RSPRY1: variants seen among roughly 807,000 people sequenced by gnomAD.
RSPRY1 encodes the protein ring finger and SPRY domain containing 1.
Under a neutral mutation model 73.1 loss-of-function variants are expected in RSPRY1, and 23 were observed. The observed-to-expected ratio is 0.31, with a 90% CI of 0.23 to 0.45. The LOEUF (loss-of-function observed/expected upper bound fraction) is 0.45, where lower values mean the gene tolerates loss of function less well. Among genes scored for constraint, RSPRY1 ranks in the 20% least tolerant of loss-of-function variants. The probability of loss-of-function intolerance (pLI) is 1.00; values close to 1 mark genes in which losing one functional copy is unlikely to be tolerated. For synonymous variants in RSPRY1, 226 were observed against 251.4 expected (o/e 0.90, Z 0.95); for missense variants, 448 against 698.7 (o/e 0.64, Z 4.05).
At chr16:57,212,654 G>A (rs113124577) in intron 4 of RSPRY1, among the ~76,000 whole-genome samples, 11 of 152,022 alleles carry the variant, frequency 7.2e-5, no homozygotes, top group African/African-American at 1.7e-4. Context: ...TTGCTCTGTC[G>A]TCCAGGCTGG....
intron 1 of RSPRY1, among the ~76,000 whole-genome samples, chr16:57,199,729 T>G (rs2074524893): frequency 6.6e-6 from 1 of 152,186 alleles, no homozygotes; most frequent in African/African-American, 2.4e-5. Flanking sequence ...AATATTCCAG[T>G]GGCACAATCA....
rs1351993363 is a variant in RSPRY1 at position 57,235,167 on chromosome 16, A to C, written c.1573A>C (p.Asn525His). 9.3e-6 allele frequency: 15 copies of C among 1,614,216 alleles called. No individual in the cohort carries two copies. The highest frequency in any genetic ancestry group is 1.1e-5 in the Non-Finnish European group (13 of 1,180,026). The part of the protein sequence containing the change: ...ALLKQVSIRE[N>H]CCSLCCDEVA... ...GTTGAAGCAAGTCAGTATCCGAGAA[A>C]ACTGCTGTTCCCTTTGTTGTGATGA... Residue 525 changes from asparagine to histidine, a missense_variant, in exon 14 of 15, where the codon AAC becomes CAC. Physicochemically the swap from Asn to His is moderately conservative, Grantham distance 68 (BLOSUM62 1). Transcript: ENST00000394420.
rs761873595 is a variant in RSPRY1, at chr16:57,204,991, A to G, written c.333A>G (p.Ile111Met). The G allele has an allele frequency of 6.2e-7, 1 of 1,613,386 alleles. No homozygotes were observed. The change falls in exon 2 of 15, where the codon ATA becomes ATG. Residue 111 changes from isoleucine to methionine, a missense_variant. Transcript: ENST00000394420. ...TAGTGTTGGACACACTGGCAGTAAT[A>G]CGGACTCTTGTAGATAAGTAAGTAT... Reference protein sequence around the residue: ...DGLVLDTLAVIRTLVDNDQEP... With the variant: ...DGLVLDTLAVMRTLVDNDQEP...
chr16:57,202,987 G>T (rs907053357), intron 1 of RSPRY1, among the ~76,000 whole-genome samples: 2 of 150,416 alleles, frequency 1.3e-5, no homozygotes, highest in Admixed American at 1.3e-4. Flanking sequence ...AAAATAAAAA[G>T]AATTTTGCCA....
intron 13 of RSPRY1, among the ~76,000 whole-genome samples, chr16:57,234,184 T>C (rs1383279217): frequency 1.3e-5 from 2 of 152,186 alleles, no homozygotes; most frequent in Non-Finnish European, 2.9e-5. Context: ...ACCAGGCCTA[T>C]GATAGCTTCA....
At chr16:57,216,718 A>G (rs1163586324) in intron 7 of RSPRY1, among the ~76,000 whole-genome samples, 186 bp from the exon 8 acceptor site, 1 of 152,142 alleles carries the variant, frequency 6.6e-6, no homozygotes, top group Admixed American at 6.5e-5. Context: ...AGACCCTGTG[A>G]CTAAAAAAAA....
rs527708306 is a variant in RSPRY1, at chr16:57,200,360, C to A, written c.-155-4144C>A. Among the ~76,000 whole-genome samples the A allele has an allele frequency of 4.9e-3, 745 of 152,190 alleles. 5 individuals carry two copies. Among genetic ancestry groups the A allele is most frequent in the African/African-American group, 0.017 (704 of 41,538 alleles). ...TTCTCAATCTTTTCCCCACCTTTCC[C>A]CCCTTTCTATTCCACAAAACCGCCA... On this transcript the variant is annotated intron_variant, in intron 1 of 14. Transcript: ENST00000394420.
At chr16:57,229,872 A>C (rs1179307917) in intron 11 of RSPRY1, among the ~76,000 whole-genome samples, 2 of 149,630 alleles carry the variant, frequency 1.3e-5, no homozygotes, top group Admixed American at 6.7e-5. Context: ...ACACCCGGGT[A>C]ATTTTTGTAT....
Position 57,221,261 on chromosome 16 carries a change from G to T in RSPRY1, c.1018-11G>T, listed in dbSNP as rs778997797. 55 of 1,607,922 alleles carry T rather than the reference G, an allele frequency of 3.4e-5. No homozygotes were observed. Among genetic ancestry groups the T allele is most frequent in the Non-Finnish European group, 3.9e-5 (46 of 1,178,224 alleles). ...CTCATAGTTGATTGACACATTTTTTGGTTTTGCCAGGCTCGCTGTGATGCC... is the reference window on the plus strand; with the variant it reads ...CTCATAGTTGATTGACACATTTTTTTGTTTTGCCAGGCTCGCTGTGATGCC... On this transcript the variant is annotated splice_polypyrimidine_tract_variant and intron_variant, in intron 9 of 14. Coordinates refer to ENST00000394420, the MANE Select transcript of RSPRY1 (RefSeq NM_133368.3).
intron 11 of RSPRY1, among the ~76,000 whole-genome samples, chr16:57,229,067 T>C (rs2075166173): frequency 6.6e-6 from 1 of 152,258 alleles, no homozygotes; most frequent in Non-Finnish European, 1.5e-5. Flanking sequence ...AATTAATGCC[T>C]CATTGTTGGA....
chr16:57,189,593 C>CTT (rs544146883), intron 1 of RSPRY1, among the ~76,000 whole-genome samples: 5,513 of 124,008 alleles, frequency 0.044, 373 homozygotes, highest in East Asian at 0.25. Flanking sequence ...CTTTTCTTTT[C>CTT]TTTTTTTTTT....
At chr16:57,224,090 G>C (rs916676326) in intron 10 of RSPRY1, among the ~76,000 whole-genome samples, 2 of 152,222 alleles carry the variant, frequency 1.3e-5, no homozygotes, top group Non-Finnish European at 2.9e-5. Flanking sequence ...GGAGCCTCCA[G>C]ATTATGGAGA....
chr16:57,192,991 C>T (rs1447315448), intron 1 of RSPRY1, among the ~76,000 whole-genome samples: 1 of 152,200 alleles, frequency 6.6e-6, no homozygotes, highest in Non-Finnish European at 1.5e-5. Context: ...GTTGGGATTA[C>T]AGGTGTGAGC....
At chr16:57,231,973 G>A (rs1226894158) in intron 13 of RSPRY1, among the ~76,000 whole-genome samples, 2 of 152,182 alleles carry the variant, frequency 1.3e-5, no homozygotes, top group Admixed American at 6.5e-5. Context: ...CTTAGGCTGG[G>A]GAAAGACTCC....
chr16:57,227,325 G>A lies in RSPRY1; in HGVS notation c.1162-17G>A. On this transcript the variant is annotated splice_polypyrimidine_tract_variant and intron_variant, in intron 10 of 14. Coordinates refer to ENST00000394420, the MANE Select transcript of RSPRY1 (RefSeq NM_133368.3). ...GCAGGCAGACTTGCTAATCTTCTGG[G>A]CCTTGTCTCTCTCCAGGAAGGCTAC... is the stretch of plus-strand genomic sequence containing the variant. 6.3e-7 allele frequency: 1 copy of A among 1,580,020 alleles called. No individual in the cohort carries two copies. The highest frequency in any genetic ancestry group is 8.7e-7 in the Non-Finnish European group (1 of 1,149,202).
At chr16:57,219,302 C>G (rs1381816699) in intron 8 of RSPRY1, among the ~76,000 whole-genome samples, 1 of 152,180 alleles carries the variant, frequency 6.6e-6, no homozygotes, top group Non-Finnish European at 1.5e-5. Context: ...TACCTTTTCT[C>G]CATATCCTCA....
rs376547247 is a variant in RSPRY1 at position 57,238,980 on chromosome 16, T to C, written c.*5T>C. On this transcript the variant is annotated 3_prime_UTR_variant, in exon 15 of 15. Coordinates refer to ENST00000394420, the MANE Select transcript of RSPRY1 (RefSeq NM_133368.3). The stretch of plus-strand genomic sequence containing the variant: ...CAGATTTCTCATATTTCATGACACA[T>C]GTGAAGAGGCATCGTGGACTTTTTT... 12 of 1,503,952 alleles carry C rather than the reference T, an allele frequency of 8.0e-6. No homozygotes were observed. The highest frequency in any genetic ancestry group is 5.9e-5 in the South Asian group (5 of 84,778). 93.2% of individuals were successfully genotyped at this position (1,503,952 alleles called of 1,614,324 possible).
At chr16:57,234,902 T>A (rs2075278490) in intron 13 of RSPRY1, among the ~76,000 whole-genome samples, 1 of 152,232 alleles carries the variant, frequency 6.6e-6, no homozygotes, top group Non-Finnish European at 1.5e-5. Flanking sequence ...AGTCATTTCC[T>A]TGAACTTTGT....
chr16:57,216,395 T>A, intron 7 of RSPRY1: 1 of 493,740 alleles, frequency 2.0e-6, no homozygotes. Context: ...TTACTCACTT[T>A]TTATAGCCAA....
Sources: gnomAD v4.1 joint callset for allele counts (sites outside exome capture counted in the v4.1 genomes callset) on GRCh38, gnomAD v4.1.1 for gene constraint, MANE v1.5 for transcripts, NCBI Gene and HGNC (gene_info 2026-07-23, HGNC 2026-07-21) for gene names.